The following PKD1L1 variants were observed in gnomAD, a reference collection of about 807,000 sequenced individuals.
The protein encoded by PKD1L1 is polycystin-1-like protein 1.
A neutral mutation model predicts 323.4 loss-of-function variants in PKD1L1; 236 were observed. That is an observed-to-expected ratio of 0.73 (90% confidence interval 0.66 to 0.81). The LOEUF (loss-of-function observed/expected upper bound fraction) is 0.81. PKD1L1 is among the 40% of genes least tolerant of loss of function. The pLI, the probability that PKD1L1 is intolerant of heterozygous loss-of-function variation, is 0.00. For missense variants in PKD1L1, 3,320 were observed against 3,508.0 expected, an observed-to-expected ratio of 0.95 and a Z score of 1.35; for synonymous variants, 1,344 against 1,335.0, an observed-to-expected ratio of 1.01 and a Z score of -0.15.
intron 53 of PKD1L1, among the ~76,000 whole-genome samples, chr7:47,802,891 C>T (rs1380957134): frequency 2.0e-5 from 3 of 152,198 alleles, no homozygotes; most frequent in African/African-American, 7.2e-5. Context: ...CTATGAGAGG[C>T]CCAAAGTGCC....
At chr7:47,779,108 A>C (rs75456465) in intron 56 of PKD1L1, among the ~76,000 whole-genome samples, 1 of 152,196 alleles carries the variant, frequency 6.6e-6, no homozygotes, top group African/African-American at 2.4e-5. Flanking sequence ...TGCCCTGCCC[A>C]GTGCCACAGA....
At chr7:47,852,374 TAC>T (rs753782534) in intron 31 of PKD1L1, among the ~76,000 whole-genome samples, 29 of 152,330 alleles carry the variant, frequency 1.9e-4, no homozygotes, top group South Asian at 2.1e-4. Context: ...TGATGAGCAA[TAC>T]AGTTTGATTC....
chr7:47,864,608 C>CT (rs1444386158), intron 26 of PKD1L1, among the ~76,000 whole-genome samples: 4 of 134,032 alleles, frequency 3.0e-5, no homozygotes, highest in African/African-American at 1.3e-4. Context: ...TTCTTTCTTT[C>CT]TTTCTTTCTT....
At chr7:47,956,067 T>C in the PKD1L1 span, among the ~76,000 whole-genome samples, 1 of 152,176 alleles carries the variant, frequency 6.6e-6, no homozygotes, top group Non-Finnish European at 1.5e-5. Flanking sequence ...TAATTTCAAC[T>C]AGCAAATACC....
At chr7:47,820,366 C>T (rs1260732990) in intron 46 of PKD1L1, among the ~76,000 whole-genome samples, 1 of 152,144 alleles carries the variant, frequency 6.6e-6, no homozygotes, top group African/African-American at 2.4e-5. Flanking sequence ...ACATCTACTA[C>T]TTATAGAAAG....
chr7:47,855,133 T>C (rs1283093132), intron 29 of PKD1L1, 22 bp downstream of exon 29: 1 of 1,611,334 alleles, frequency 6.2e-7, no homozygotes, highest in Non-Finnish European at 8.5e-7. Context: ...GAAGTAGAGA[T>C]ACTGAGAAAG....
rs142467839 is a variant in PKD1L1, at chr7:47,811,787, C to G, written c.7581+30G>C. 516 of 1,550,738 alleles carry G rather than the reference C, an allele frequency of 3.3e-4. 2 individuals carry two copies. In the African/African-American group the frequency reaches 6.0e-3, roughly 18 times the overall value. On this transcript the variant is annotated intron_variant, in intron 50 of 56. Transcript: ENST00000289672. ...TGAAGCCCCATCTTCCTGTGCACCT[C>G]CAGGAGGCCCAAGAGGCAGGTCAGC...
chr7:47,874,677 C>T (rs528772464), intron 23 of PKD1L1, among the ~76,000 whole-genome samples: 13 of 152,096 alleles, frequency 8.5e-5, no homozygotes, highest in Middle Eastern at 3.4e-3. Flanking sequence ...TAACAAATAC[C>T]CTTAACAGAT....
chr7:47,908,442 G>T (rs1227912564), intron 8 of PKD1L1, among the ~76,000 whole-genome samples, 192 bp from the exon 9 acceptor site: 1 of 152,180 alleles, frequency 6.6e-6, no homozygotes, highest in Non-Finnish European at 1.5e-5. Context: ...AGCCCCTCAC[G>T]CAATGGAGCT....
At chr7:47,902,305 C>G in intron 13 of PKD1L1, 74 bp downstream of exon 13, 1 of 1,562,360 alleles carries the variant, frequency 6.4e-7, no homozygotes, top group Admixed American at 1.8e-5. Flanking sequence ...ACTCTCACCA[C>G]TCCAAACAGT....
intron 13 of PKD1L1, among the ~76,000 whole-genome samples, chr7:47,899,412 G>C (rs1291067687): frequency 7.2e-6 from 1 of 138,372 alleles, no homozygotes; most frequent in Non-Finnish European, 1.6e-5. Flanking sequence ...TGAGGATGAG[G>C]ATATGGGGGG....
chr7:47,788,928 T>C (rs1356818084), intron 56 of PKD1L1, among the ~76,000 whole-genome samples: 3 of 152,182 alleles, frequency 2.0e-5, no homozygotes, highest in Non-Finnish European at 2.9e-5. Context: ...AAAACATTTG[T>C]ATCCTGATTT....
At chr7:47,951,980 C>T (rs1788211538), upstream of PKD1L1, among the ~76,000 whole-genome samples, 1 of 152,200 alleles carries the variant, frequency 6.6e-6, no homozygotes, top group South Asian at 2.1e-4. Flanking sequence ...AGCAGTAGCA[C>T]ATGCTGACAT....
intron 9 of PKD1L1, 59 bp from the exon 10 acceptor site, chr7:47,906,021 A>G (rs1360766006): frequency 3.4e-6 from 5 of 1,453,376 alleles, no homozygotes; most frequent in Non-Finnish European, 4.6e-6. Flanking sequence ...CACTTTTATC[A>G]TGCAACACAC....
chr7:47,784,326 C>T (rs1786760141), intron 56 of PKD1L1, among the ~76,000 whole-genome samples: 1 of 152,172 alleles, frequency 6.6e-6, no homozygotes, highest in African/African-American at 2.4e-5. Flanking sequence ...ATTTAATTAG[C>T]TTTTCTTGTG....
chr7:47,835,180 C>A lies in PKD1L1; in HGVS notation c.6007G>T (p.Ala2003Ser), dbSNP rs552909572. The change falls in exon 38 of 57, where the codon GCT (alanine) becomes TCT (serine). Residue 2003 changes from alanine (A) to serine (S), a missense_variant. Coordinates refer to ENST00000289672, the MANE Select transcript of PKD1L1 (RefSeq NM_138295.5). ...FRVGLLCTLL[A>S]SPGAQLLSLL... ...GACAAGAGCTGGGCCCCTGGAGAAG[C>A]CAGGAGGGTACACAGGAGACCCACC... 6.3e-7 allele frequency: 1 copy of A among 1,594,922 alleles called. No individual in the cohort carries two copies. The highest frequency in any genetic ancestry group is 1.9e-5 in the Admixed American group (1 of 53,564).
chr7:47,859,267 C>T, intron 26 of PKD1L1, among the ~76,000 whole-genome samples: 1 of 152,090 alleles, frequency 6.6e-6, no homozygotes, highest in Admixed American at 6.5e-5. Flanking sequence ...ACAAATTGGC[C>T]CCCACCTCCT....
intron 15 of PKD1L1, 127 bp from the exon 16 acceptor site, chr7:47,890,890 G>C: frequency 1.3e-6 from 1 of 782,722 alleles, no homozygotes; most frequent in South Asian, 1.7e-5. Flanking sequence ...AAGAGATATT[G>C]CTTCCCACAT....
chr7:47,864,578 TTC>T (rs1230268946), intron 26 of PKD1L1, among the ~76,000 whole-genome samples: 3 of 51,474 alleles, frequency 5.8e-5, no homozygotes, highest in East Asian at 4.7e-4. Flanking sequence ...TTTCTTTCTT[TTC>T]TTTCTTTCTT....
Sources: allele counts gnomAD v4.1 joint callset (sites outside exome capture counted in the v4.1 genomes callset), GRCh38; gene constraint gnomAD v4.1.1; transcripts MANE v1.5; gene names NCBI Gene and HGNC (gene_info 2026-07-23, HGNC 2026-07-21).